UBR3: variants seen among roughly 807,000 people sequenced by gnomAD.
UBR3 encodes the protein E3 ubiquitin-protein ligase UBR3.
In UBR3, 85 loss-of-function variants were observed where a neutral mutation model predicts 243.2. The observed-to-expected ratio is 0.35, with a 90% confidence interval of 0.29 to 0.42. The LOEUF is 0.42. UBR3 is among the 10% of genes least tolerant of loss of function. The pLI is 1.00. For missense variants in UBR3, 1,686 were observed against 2,300.8 expected (o/e 0.73, Z 5.47); for synonymous variants, 748 against 799.8 (o/e 0.94, Z 1.09).
At chr2:170,034,297 T>C (rs1453069685) in intron 31 of UBR3, among the ~76,000 whole-genome samples, 1 of 151,964 alleles carries the variant, frequency 6.6e-6, no homozygotes, top group East Asian at 1.9e-4. Context: ...TACAAAGTAG[T>C]TTCACTGTCC....
intron 35 of UBR3, among the ~76,000 whole-genome samples, chr2:170,072,756 G>C (rs978602438): frequency 1.2e-4 from 18 of 152,084 alleles, no homozygotes; most frequent in African/African-American, 4.1e-4. Flanking sequence ...CTGTGGACAA[G>C]GGAGAGTAGA....
intron 1 of UBR3, among the ~76,000 whole-genome samples, chr2:169,854,377 C>T (rs982009970): frequency 1.3e-5 from 2 of 152,132 alleles, no homozygotes; most frequent in Non-Finnish European, 2.9e-5. Context: ...ATCATGGACT[C>T]AATTTCCCAT....
intron 24 of UBR3, among the ~76,000 whole-genome samples, chr2:169,981,458 T>C (rs1359463871): frequency 6.6e-6 from 1 of 152,172 alleles, no homozygotes; most frequent in Non-Finnish European, 1.5e-5. Flanking sequence ...CAAATCATAA[T>C]TGAGGACTGT....
chr2:170,076,874 T>A (rs1219927262), intron 36 of UBR3, among the ~76,000 whole-genome samples: 1 of 152,176 alleles, frequency 6.6e-6, no homozygotes, highest in Non-Finnish European at 1.5e-5. Flanking sequence ...GGGGTGGTGG[T>A]AGGGGTTTTT....
chr2:170,001,425 T>G lies in UBR3; in HGVS notation c.4029+11T>G. The G allele has an allele frequency of 6.3e-7, 1 of 1,587,536 alleles. No homozygotes were observed. Among genetic ancestry groups the G allele is most frequent in the Non-Finnish European group, 8.6e-7 (1 of 1,157,674 alleles). ...ATGGAATCATTACGGGTAAGTTGAT[T>G]GCAAAAATTTTTTAAAGGTGCATGT... On this transcript the variant is annotated intron_variant, in intron 27 of 38. Coordinates refer to ENST00000272793, the MANE Select transcript of UBR3 (RefSeq NM_172070.4).
intron 30 of UBR3, among the ~76,000 whole-genome samples, chr2:170,017,699 A>G (rs10497355): frequency 7.2e-5 from 11 of 152,044 alleles, no homozygotes; most frequent in African/African-American, 1.9e-4. Context: ...TACATCTTCA[A>G]ACATTTTTAA....
chr2:169,975,215 A>G (rs2088370196), intron 24 of UBR3, among the ~76,000 whole-genome samples: 1 of 152,078 alleles, frequency 6.6e-6, no homozygotes, highest in South Asian at 2.1e-4. Flanking sequence ...TCCTTGATCC[A>G]TTGGTTGTTC....
intron 1 of UBR3, among the ~76,000 whole-genome samples, chr2:169,832,025 A>G (rs2081956528): frequency 6.6e-6 from 1 of 152,198 alleles, no homozygotes; most frequent in Admixed American, 6.5e-5. Flanking sequence ...TGTTGCCTGT[A>G]GGATGTTCTT....
intron 32 of UBR3, among the ~76,000 whole-genome samples, chr2:170,049,436 T>C (rs1329451378): frequency 2.0e-5 from 3 of 152,206 alleles, no homozygotes; most frequent in Admixed American, 1.3e-4. Context: ...TGAGTAGACC[T>C]GCACAGTTCA....
In UBR3 at chr2:169,835,472, C is replaced by T. The variant is rs532870379; in HGVS notation, c.545+7420C>T. Among the ~76,000 whole-genome samples, 5 of 152,308 alleles carry T rather than the reference C, an allele frequency of 3.3e-5. No homozygotes were observed. In the South Asian group the frequency reaches 1.0e-3, roughly 32 times the overall value. On this transcript the variant is annotated intron_variant, in intron 1 of 38. Coordinates refer to ENST00000272793, the MANE Select transcript of UBR3 (RefSeq NM_172070.4). ...GTTTGTTTGTTTTGATATGGAGTCT[C>T]ACTCTGTTGCCAGGCTGGAGTGCAG...
At chr2:170,071,373 G>T (rs193048715) in intron 35 of UBR3, among the ~76,000 whole-genome samples, 67 of 152,250 alleles carry the variant, frequency 4.4e-4, no homozygotes, top group Non-Finnish European at 7.1e-4. Flanking sequence ...CTCAAAATAA[G>T]TGAAAGAGGC....
intron 24 of UBR3, among the ~76,000 whole-genome samples, chr2:169,967,512 C>G (rs185198416): frequency 1.7e-4 from 26 of 152,202 alleles, no homozygotes; most frequent in African/African-American, 6.0e-4. Context: ...GTTGTACAGT[C>G]AGTCCCACCT....
chr2:169,879,844 T>A (rs559295139), intron 5 of UBR3, among the ~76,000 whole-genome samples: 2 of 152,308 alleles, frequency 1.3e-5, no homozygotes, highest in Admixed American at 6.5e-5. Context: ...AGAATCATAT[T>A]GTTACAATGA....
At chr2:169,989,625 A>T (rs956987336) in intron 25 of UBR3, among the ~76,000 whole-genome samples, 1 of 152,108 alleles carries the variant, frequency 6.6e-6, no homozygotes, top group Non-Finnish European at 1.5e-5. Flanking sequence ...TCACTTCATC[A>T]CCTATTTTTT....
intron 1 of UBR3, among the ~76,000 whole-genome samples, chr2:169,864,038 C>G (rs375375826): frequency 6.6e-6 from 1 of 151,972 alleles, no homozygotes; most frequent in Non-Finnish European, 1.5e-5. Context: ...CTGTCAAATA[C>G]TTTCTTTTTC....
chr2:169,874,173 C>CTT (rs200643346), intron 2 of UBR3, among the ~76,000 whole-genome samples: 2 of 143,556 alleles, frequency 1.4e-5, no homozygotes, highest in African/African-American at 2.5e-5. Flanking sequence ...AAAATTCTGC[C>CTT]TTTTTTTTTT....
At chr2:169,951,064 G>A (rs1306487296) in intron 23 of UBR3, among the ~76,000 whole-genome samples, 3 of 152,200 alleles carry the variant, frequency 2.0e-5, no homozygotes, top group East Asian at 3.9e-4. Flanking sequence ...GTCTACCAAA[G>A]CAACAATTAT....
intron 1 of UBR3, among the ~76,000 whole-genome samples, chr2:169,861,923 A>G (rs1435401418): frequency 6.6e-6 from 1 of 151,952 alleles, no homozygotes; most frequent in Non-Finnish European, 1.5e-5. Flanking sequence ...CCTACCCCCA[A>G]CTTTGCTGGT....
At chr2:170,074,068 A>T (rs2091756028) in intron 36 of UBR3, among the ~76,000 whole-genome samples, 1 of 152,202 alleles carries the variant, frequency 6.6e-6, no homozygotes, top group South Asian at 2.1e-4. Flanking sequence ...TGGGAACAGC[A>T]GTGAGTGGCT....
Sources: allele counts gnomAD v4.1 joint callset (sites outside exome capture counted in the v4.1 genomes callset), GRCh38; gene constraint gnomAD v4.1.1; transcripts MANE v1.5; gene names NCBI Gene and HGNC (gene_info 2026-07-23, HGNC 2026-07-21).